BBOF1: variants seen among roughly 807,000 people sequenced by gnomAD.
BBOF1 encodes the protein basal body orientation factor 1.
A neutral mutation model predicts 68.0 loss-of-function variants in BBOF1; 62 were observed. The ratio of observed to expected loss-of-function variants is 0.91; its 90% CI spans 0.74 to 1.13. BBOF1 has a LOEUF of 1.13. Ranked by LOEUF, BBOF1 falls within the 50% of genes most tolerant of loss-of-function variation. The pLI, the probability that BBOF1 is intolerant of heterozygous loss-of-function variation, is 0.00. For synonymous variants in BBOF1, 208 were observed against 198.8 expected, an observed-to-expected ratio of 1.05 and a Z score of -0.39; for missense variants, 534 against 600.1, an observed-to-expected ratio of 0.89 and a Z score of 1.15.
At chr14:74,045,434 C>T (rs1020897289) in intron 5 of BBOF1, among the ~76,000 whole-genome samples, 2 of 152,058 alleles carry the variant, frequency 1.3e-5, no homozygotes, top group Admixed American at 6.6e-5. Flanking sequence ...CTCAGCCTAC[C>T]GAGAAGCTGG....
intron 6 of BBOF1, 131 bp from the exon 7 acceptor site, chr14:74,047,798 AC>A: frequency 1.4e-6 from 1 of 710,716 alleles, no homozygotes; most frequent in South Asian, 2.3e-5. Context: ...ACTACTGAGT[AC>A]CCACCATAAG....
chr14:74,022,206 C>T (rs1361575075), intron 1 of BBOF1, among the ~76,000 whole-genome samples: 1 of 151,282 alleles, frequency 6.6e-6, no homozygotes, highest in African/African-American at 2.4e-5. Flanking sequence ...GACCCCATCT[C>T]TATTAAAAAA....
chr14:74,036,900 C>G (rs2059714350), intron 4 of BBOF1, among the ~76,000 whole-genome samples: 1 of 151,188 alleles, frequency 6.6e-6, no homozygotes, highest in African/African-American at 2.4e-5. Flanking sequence ...ATTGTTCACA[C>G]TGTCTTTTAT....
In BBOF1 at chr14:74,047,959, T is replaced by C. The variant is rs1391423538; in HGVS notation, c.677T>C (p.Phe226Ser). Residue 226 changes from phenylalanine to serine, a missense_variant, in exon 7 of 12, where the codon TTT becomes TCT. Physicochemically the swap from Phe to Ser is radical, Grantham distance 155 (BLOSUM62 -2). Transcript: ENST00000394009. ...VQLNDAGRNV[F>S]KENDYLQKAL... ...TTGAACGATGCTGGAAGAAATGTTT[T>C]TAAAGAGAATGATTATCTTCAGAAA... is the stretch of plus-strand genomic sequence containing the variant. 2 of 1,610,466 alleles carry C rather than the reference T, an allele frequency of 1.2e-6. No homozygotes were observed. Among genetic ancestry groups the C allele is most frequent in the African/African-American group, 2.7e-5 (2 of 74,898 alleles).
chr14:74,036,329 T>C (rs1172815564), intron 4 of BBOF1, among the ~76,000 whole-genome samples: 1 of 152,084 alleles, frequency 6.6e-6, no homozygotes, highest in African/African-American at 2.4e-5. Context: ...AGTGCTGGGA[T>C]TGTGGGCATG....
At chr14:74,072,309 G>C (rs747157820) in intron 9 of BBOF1, 2 of 1,614,122 alleles carry the variant, frequency 1.2e-6, no homozygotes, top group African/African-American at 2.7e-5. Context: ...AGCAATGGCT[G>C]CATCCATTTC....
At position 74,057,139 on chromosome 14, in the gene BBOF1, T is replaced by C; in HGVS notation, c.1464-5T>C. 1.2e-6 allele frequency: 2 copies of C among 1,609,960 alleles called. No individual in the cohort carries two copies. The highest frequency in any genetic ancestry group is 1.7e-6 in the Non-Finnish European group (2 of 1,177,178). ...GACGGTTCTGTTATTTTGTCATTAT[T>C]GCAGGGATGAAAGTAAGCTTCAAGA... On this transcript the variant is annotated splice_region_variant and splice_polypyrimidine_tract_variant and intron_variant, in intron 10 of 11. Coordinates refer to ENST00000394009, the MANE Select transcript of BBOF1 (RefSeq NM_025057.3).
At position 74,020,266 on chromosome 14, in the gene BBOF1, C is replaced by G. The variant is rs139712735; in HGVS notation, c.56+732C>G. Among the ~76,000 whole-genome samples the G allele has an allele frequency of 8.4e-3, 1,263 of 151,166 alleles. 12 individuals are homozygous for G. The highest frequency in any genetic ancestry group is 0.061 in the Middle Eastern group (18 of 294). ...GTATTTTTTTTTTGTTTTTACATAA[C>G]TGCACAGTTAGTCTAGCCCTTAAAG... is the stretch of plus-strand genomic sequence containing the variant. On this transcript the variant is annotated intron_variant, in intron 1 of 11. Transcript: ENST00000394009.
At chr14:74,030,885 G>A (rs779920422) in intron 3 of BBOF1, among the ~76,000 whole-genome samples, 1 of 149,720 alleles carries the variant, frequency 6.7e-6, no homozygotes. Context: ...TTAAAAAATT[G>A]TTTCCTTATC....
At chr14:74,060,727 T>C in intron 11 of BBOF1, 1 of 1,613,074 alleles carries the variant, frequency 6.2e-7, no homozygotes, top group Non-Finnish European at 8.5e-7. Flanking sequence ...GGTCTTTAAC[T>C]GAGTGTAGAA....
At chr14:74,061,514 T>C (rs2060341366) in intron 11 of BBOF1, among the ~76,000 whole-genome samples, 1 of 152,118 alleles carries the variant, frequency 6.6e-6, no homozygotes. Context: ...TTAGCCCATG[T>C]TGGCTAGCAC....
intron 4 of BBOF1, among the ~76,000 whole-genome samples, chr14:74,037,071 C>G (rs1324365228): frequency 2.2e-5 from 3 of 138,378 alleles, no homozygotes; most frequent in African/African-American, 8.1e-5. Flanking sequence ...CTCCCAGGTT[C>G]AAGCGATTCT....
chr14:74,067,530 T>C, downstream of BBOF1: 1 of 1,614,146 alleles, frequency 6.2e-7, no homozygotes, highest in Non-Finnish European at 8.5e-7. Flanking sequence ...GTATTTTCCT[T>C]ATTGGCATCT....
At chr14:74,054,303 C>T (rs138566592) in intron 8 of BBOF1, among the ~76,000 whole-genome samples, 39 of 152,144 alleles carry the variant, frequency 2.6e-4, no homozygotes, top group Non-Finnish European at 4.9e-4. Flanking sequence ...AGCCACCGCA[C>T]CTGGCCTAAA....
At chr14:74,076,731 G>A (rs1038835804) in intron 9 of BBOF1, among the ~76,000 whole-genome samples, 6 of 151,890 alleles carry the variant, frequency 4.0e-5, no homozygotes, top group Non-Finnish European at 8.8e-5. Flanking sequence ...TGTATTTTTA[G>A]TAGAGATGGG....
intron 5 of BBOF1, among the ~76,000 whole-genome samples, chr14:74,043,498 C>G (rs1440582916): frequency 7.5e-6 from 1 of 134,044 alleles, no homozygotes; most frequent in Non-Finnish European, 1.5e-5. Flanking sequence ...TGCAGTGAGC[C>G]GAGATTGCGC....
At chr14:74,070,419 A>T (rs1429871526), downstream of BBOF1, among the ~76,000 whole-genome samples, 1 of 152,102 alleles carries the variant, frequency 6.6e-6, no homozygotes, top group Admixed American at 6.5e-5. Context: ...TTTAAGAGGC[A>T]GAGGCAGGAA....
At chr14:74,061,812 G>C (rs112803624) in intron 11 of BBOF1, among the ~76,000 whole-genome samples, 4 of 152,126 alleles carry the variant, frequency 2.6e-5, no homozygotes, top group South Asian at 4.2e-4. Context: ...ATAAGAGTAG[G>C]CTTGAGCAAA....
Position 74,049,939 on chromosome 14 carries a change from C to T in BBOF1, c.1030C>T (p.Arg344Cys), listed in dbSNP as rs1356251630. Residue 344 changes from arginine (R) to cysteine (C), a missense_variant, in exon 8 of 12, where the codon CGT (arginine) becomes TGT (cysteine). Coordinates refer to ENST00000394009, the MANE Select transcript of BBOF1 (RefSeq NM_025057.3). ...TCAGATGAAGGACAGGGAAATGAATCGTGTGAAGAAGCTGGCCAAGAACAT... is the reference window on the plus strand; with the variant it reads ...TCAGATGAAGGACAGGGAAATGAATTGTGTGAAGAAGCTGGCCAAGAACAT... ...LLQMKDREMNRVKKLAKNILD... is the reference protein window; with the variant it reads ...LLQMKDREMNCVKKLAKNILD... The T allele has an allele frequency of 6.2e-6, 10 of 1,613,966 alleles. No individual in the cohort carries two copies. Among genetic ancestry groups the T allele is most frequent in the South Asian group, 1.1e-5 (1 of 91,082 alleles).
Sources: allele counts gnomAD v4.1 joint callset (sites outside exome capture counted in the v4.1 genomes callset), GRCh38; gene constraint gnomAD v4.1.1; transcripts MANE v1.5; gene names NCBI Gene and HGNC (gene_info 2026-07-23, HGNC 2026-07-21).